GRIA3: variants seen among roughly 807,000 people sequenced by gnomAD.
GRIA3 encodes the protein glutamate ionotropic receptor AMPA type subunit 3, also known as glutamate receptor 3.
In GRIA3, 3 loss-of-function variants were observed where a neutral mutation model predicts 63.0. The observed-to-expected ratio is 0.05, with a 90% CI of 0.02 to 0.12. The LOEUF is 0.12. Among genes scored for constraint, GRIA3 ranks in the 10% least tolerant of loss-of-function variants. The pLI is 1.00. For missense variants in GRIA3, 347 were observed against 700.9 expected, an observed-to-expected ratio of 0.50 and a Z score of 5.70; for synonymous variants, 274 against 257.9, an observed-to-expected ratio of 1.06 and a Z score of -0.60.
intron 5 of GRIA3, among the ~76,000 whole-genome samples, chrX:123,370,608 G>C (rs1316608920): frequency 1.8e-5 from 2 of 111,441 alleles, no homozygotes; most frequent in Non-Finnish European, 3.8e-5. Flanking sequence ...ATTTCAGTGG[G>C]GCTTGGGAAA....
intron 4 of GRIA3, among the ~76,000 whole-genome samples, chrX:123,343,573 A>AAG (rs1220921559): frequency 1.4e-4 from 15 of 107,164 alleles, no homozygotes; most frequent in East Asian, 5.8e-4. Flanking sequence ...GAGAGAAAGC[A>AAG]AGAGAGAGAG....
At chrX:123,365,722 T>C (rs1021668523) in intron 5 of GRIA3, among the ~76,000 whole-genome samples, 1 of 111,833 alleles carries the variant, frequency 8.9e-6, no homozygotes. Flanking sequence ...AATTAGATGC[T>C]TGGGCCTCAT....
intron 2 of GRIA3, chrX:123,204,570 A>G: frequency 8.7e-7 from 1 of 1,151,652 alleles, no homozygotes; most frequent in Non-Finnish European, 1.2e-6. Flanking sequence ...TTTTAGAGAC[A>G]GAAGAAACTA....
At chrX:123,380,137 A>G (rs2045313827) in intron 5 of GRIA3, among the ~76,000 whole-genome samples, 1 of 111,451 alleles carries the variant, frequency 9.0e-6, no homozygotes, top group African/African-American at 3.3e-5. Flanking sequence ...AGCACGATTT[A>G]TAATCGTTTG....
At chrX:123,343,762 ATT>A (rs544918906) in intron 4 of GRIA3, among the ~76,000 whole-genome samples, 2 of 97,888 alleles carry the variant, frequency 2.0e-5, no homozygotes, top group Non-Finnish European at 4.2e-5. Flanking sequence ...ATGCCCGGCA[ATT>A]TTTTTTTTTT....
intron 3 of GRIA3, among the ~76,000 whole-genome samples, chrX:123,299,590 C>T (rs1056288718): frequency 9.0e-6 from 1 of 111,638 alleles, no homozygotes; most frequent in African/African-American, 3.3e-5. Flanking sequence ...TATCCTGAGA[C>T]TTTGCTGAAG....
intron 5 of GRIA3, among the ~76,000 whole-genome samples, chrX:123,390,736 T>G (rs1201458254): frequency 1.8e-5 from 2 of 112,064 alleles, no homozygotes; most frequent in African/African-American, 6.5e-5. Context: ...TTTATCACTT[T>G]CATTTTCTCT....
chrX:123,196,137 C>T (rs1024739596), intron 2 of GRIA3, among the ~76,000 whole-genome samples: 28 of 111,220 alleles, frequency 2.5e-4, no homozygotes, highest in Non-Finnish European at 5.1e-4. Context: ...AACTGGGAGG[C>T]CACTGGGTCA....
Position 123,404,919 on chromosome X carries a change from GT to G in GRIA3, c.1500+11del, listed in dbSNP as rs774804573. The G allele has an allele frequency of 4.8e-5, 55 of 1,145,044 alleles. No individual in the cohort carries two copies. The African/African-American group carries it at 9.4e-4, about 20-fold the overall frequency. 94.4% of individuals were successfully genotyped at this position (1,145,044 alleles called of 1,213,427 possible). A position where few individuals can be genotyped will look rare whatever the true frequency, so the allele number is the denominator to read the frequency against. The stretch of plus-strand genomic sequence containing the variant: ...GTTGGGGAACTTGTCTATGGGGTGA[GT>G]TTTTTCCAATTCTGTTTTCATTTAT... On this transcript the variant is annotated splice_donor_region_variant and intron_variant, in intron 10 of 15. Transcript: ENST00000620443.
chrX:123,307,712 C>T lies in GRIA3; in HGVS notation c.509-18314C>T, dbSNP rs143910390. Among the ~76,000 whole-genome samples, 8 of 110,793 alleles carry T rather than the reference C, an allele frequency of 7.2e-5. No homozygotes were observed. The East Asian group carries it at 1.1e-3, about 16-fold the overall frequency. On this transcript the variant is annotated intron_variant, in intron 3 of 15. Coordinates refer to ENST00000620443, the MANE Select transcript of GRIA3 (RefSeq NM_007325.5). Reference sequence around the variant, plus strand: ...CTCCCTACTCTAGGATTCAGTCCAGCATCTTCACTACATGCAGCCCTTCCT... The same window carrying T: ...CTCCCTACTCTAGGATTCAGTCCAGTATCTTCACTACATGCAGCCCTTCCT...
chrX:123,211,580 T>C (rs1217655929), intron 2 of GRIA3, among the ~76,000 whole-genome samples: 2 of 111,545 alleles, frequency 1.8e-5, no homozygotes, highest in Non-Finnish European at 3.8e-5. Flanking sequence ...CCAAAGAATA[T>C]ATGAATTTGA....
chrX:123,461,356 C>A (rs1471574097), intron 12 of GRIA3, among the ~76,000 whole-genome samples: 1 of 111,894 alleles, frequency 8.9e-6, no homozygotes, highest in Non-Finnish European at 1.9e-5. Flanking sequence ...AAGGTATGAG[C>A]AAATGGCTTT....
chrX:123,394,938 A>G (rs2045405404), intron 5 of GRIA3, 30 bp from the exon 6 acceptor site: 6 of 1,105,511 alleles, frequency 5.4e-6, no homozygotes, highest in Non-Finnish European at 7.5e-6. Flanking sequence ...ACAACTTCCC[A>G]CAATCATGAT....
At chrX:123,378,385 G>C (rs1180949676) in intron 5 of GRIA3, among the ~76,000 whole-genome samples, 1 of 108,317 alleles carries the variant, frequency 9.2e-6, no homozygotes, top group Admixed American at 1.0e-4. Context: ...AGGTTTTAGA[G>C]AGACTCAGTA....
intron 3 of GRIA3, among the ~76,000 whole-genome samples, chrX:123,263,515 C>T (rs774449937): frequency 8.9e-6 from 1 of 112,125 alleles, no homozygotes; most frequent in Non-Finnish European, 1.9e-5. Flanking sequence ...AGGAGGCTGA[C>T]AGGTTATGTT....
chrX:123,482,751 T>C (rs1343003814), intron 14 of GRIA3, 48 bp from the exon 15 acceptor site: 1 of 1,186,973 alleles, frequency 8.4e-7, no homozygotes, highest in Non-Finnish European at 1.1e-6. Context: ...TAATGTTCCA[T>C]TGCCTTTGTT....
chrX:123,473,520 C>T (rs994601833), intron 13 of GRIA3, among the ~76,000 whole-genome samples: 3 of 111,606 alleles, frequency 2.7e-5, no homozygotes, highest in African/African-American at 9.8e-5. Context: ...TGGGGCTTTT[C>T]CAGAGAATGC....
chrX:123,257,643 A>G (rs1755809145), intron 3 of GRIA3, among the ~76,000 whole-genome samples: 1 of 107,560 alleles, frequency 9.3e-6, no homozygotes, highest in Non-Finnish European at 1.9e-5. Context: ...AGAAATTACA[A>G]TAGAAAATAT....
chrX:123,378,144 T>C (rs2045298509), intron 5 of GRIA3, among the ~76,000 whole-genome samples: 1 of 111,543 alleles, frequency 9.0e-6, no homozygotes, highest in Non-Finnish European at 1.9e-5. Flanking sequence ...TGTTCAATCT[T>C]GTGGACTACA....
Sources: gnomAD v4.1 joint callset for allele counts (sites outside exome capture counted in the v4.1 genomes callset) on GRCh38, gnomAD v4.1.1 for gene constraint, MANE v1.5 for transcripts, NCBI Gene and HGNC (gene_info 2026-07-23, HGNC 2026-07-21) for gene names.